The following FRMD4A variants were observed in gnomAD, a reference collection of about 807,000 sequenced individuals.
The protein encoded by FRMD4A is FERM domain containing 4A.
FRMD4A carries 29 observed loss-of-function variants against 129.1 expected under a neutral mutation model. The observed-to-expected ratio is 0.22, with a 90% confidence interval of 0.17 to 0.31. The LOEUF is 0.31. FRMD4A is among the 10% of genes least tolerant of loss of function. The pLI, the probability that FRMD4A is intolerant of heterozygous loss-of-function variation, is 1.00. For missense variants in FRMD4A, 1,272 were observed against 1,375.8 expected, an observed-to-expected ratio of 0.92 and a Z score of 1.19; for synonymous variants, 634 against 571.6, an observed-to-expected ratio of 1.11 and a Z score of -1.56.
At chr10:13,995,458 G>A (rs573944619) in intron 2 of FRMD4A, among the ~76,000 whole-genome samples, 5 of 152,168 alleles carry the variant, frequency 3.3e-5, no homozygotes, top group African/African-American at 7.2e-5. Flanking sequence ...GGTGGTGCAT[G>A]CCTGTAATCC....
intron 2 of FRMD4A, among the ~76,000 whole-genome samples, chr10:13,902,041 G>T (rs1200871467): frequency 6.6e-6 from 1 of 152,162 alleles, no homozygotes; most frequent in East Asian, 1.9e-4. Context: ...TTTAGAGACA[G>T]GGTCTCACAC....
chr10:13,981,654 G>A (rs1336331926), intron 2 of FRMD4A, among the ~76,000 whole-genome samples: 4 of 147,302 alleles, frequency 2.7e-5, no homozygotes, highest in African/African-American at 5.0e-5. Context: ...CAGGAGAATC[G>A]TTTCAACTCC....
At chr10:14,027,540 T>C (rs1333660141) in intron 2 of FRMD4A, among the ~76,000 whole-genome samples, 1 of 152,200 alleles carries the variant, frequency 6.6e-6, no homozygotes, top group African/African-American at 2.4e-5. Flanking sequence ...TGCTTGAACC[T>C]GGGAGACAGA....
At chr10:14,042,672 T>C (rs1403635729) in intron 2 of FRMD4A, among the ~76,000 whole-genome samples, 1 of 152,084 alleles carries the variant, frequency 6.6e-6, no homozygotes, top group African/African-American at 2.4e-5. Context: ...AAGAAATTTA[T>C]TTGAAAACAG....
At chr10:14,151,785 G>A (rs1476364203) in intron 2 of FRMD4A, among the ~76,000 whole-genome samples, 1 of 152,050 alleles carries the variant, frequency 6.6e-6, no homozygotes, top group African/African-American at 2.4e-5. Context: ...CTAAGTTTTG[G>A]AGATGTTTAA....
At chr10:14,317,035 A>C (rs1222596609) in intron 2 of FRMD4A, among the ~76,000 whole-genome samples, 1 of 152,148 alleles carries the variant, frequency 6.6e-6, no homozygotes, top group East Asian at 1.9e-4. Context: ...CAATTGTATG[A>C]CTTTAATATC....
intron 4 of FRMD4A, among the ~76,000 whole-genome samples, chr10:13,799,578 T>C (rs1459494847): frequency 2.0e-5 from 3 of 152,204 alleles, no homozygotes; most frequent in African/African-American, 7.2e-5. Flanking sequence ...ACTTCCTTCC[T>C]GCCTCTGAAA....
chr10:14,275,930 T>C (rs1845324350), intron 2 of FRMD4A, among the ~76,000 whole-genome samples: 1 of 152,188 alleles, frequency 6.6e-6, no homozygotes, highest in African/African-American at 2.4e-5. Context: ...TCTCAGCTAC[T>C]CAGGAGGCTG....
At chr10:13,833,528 A>T (rs757930221) in intron 3 of FRMD4A, among the ~76,000 whole-genome samples, 10 of 152,132 alleles carry the variant, frequency 6.6e-5, no homozygotes, top group Non-Finnish European at 7.4e-5. Context: ...AACTCCTGAC[A>T]TTCATGGGGC....
intron 2 of FRMD4A, among the ~76,000 whole-genome samples, chr10:14,080,320 C>G (rs960321159): frequency 3.9e-5 from 6 of 152,128 alleles, no homozygotes; most frequent in African/African-American, 1.4e-4. Flanking sequence ...ACCTGAAGGT[C>G]TTTATGATGT....
chr10:13,990,434 G>T (rs1052051004), intron 2 of FRMD4A, among the ~76,000 whole-genome samples: 1 of 152,182 alleles, frequency 6.6e-6, no homozygotes, highest in Non-Finnish European at 1.5e-5. Flanking sequence ...TGTCTTGTCT[G>T]TTGGGCGGGT....
chr10:14,066,655 G>T (rs373368594), intron 2 of FRMD4A, among the ~76,000 whole-genome samples: 10 of 152,278 alleles, frequency 6.6e-5, no homozygotes, highest in African/African-American at 1.9e-4. Flanking sequence ...AATTCATGGC[G>T]AAAAGCCTCC....
At chr10:13,990,473 G>T (rs1018151292) in intron 2 of FRMD4A, among the ~76,000 whole-genome samples, 2 of 152,198 alleles carry the variant, frequency 1.3e-5, no homozygotes, top group East Asian at 1.9e-4. Context: ...TCCTTGTGGA[G>T]CATGTCTGGG....
chr10:13,660,800 G>T (rs186361273), intron 19 of FRMD4A, among the ~76,000 whole-genome samples: 2 of 152,320 alleles, frequency 1.3e-5, no homozygotes, highest in East Asian at 3.9e-4. Flanking sequence ...CGTCACTTTT[G>T]ATTAGACACG....
intron 18 of FRMD4A, among the ~76,000 whole-genome samples, chr10:13,665,795 A>G (rs1435643019): frequency 6.6e-6 from 1 of 152,212 alleles, no homozygotes. Flanking sequence ...CAGTCAACTC[A>G]GCTCAGTTCA....
intron 2 of FRMD4A, among the ~76,000 whole-genome samples, chr10:14,033,672 T>A (rs1261110408): frequency 6.6e-6 from 1 of 150,730 alleles, no homozygotes; most frequent in South Asian, 2.1e-4. Context: ...GTAATCCCAG[T>A]TACGTGGGAG....
chr10:13,684,705 G>C, intron 15 of FRMD4A: 2 of 985,312 alleles, frequency 2.0e-6, no homozygotes, highest in Non-Finnish European at 2.4e-6. Context: ...TTTTGACACA[G>C]AGGGGATATT....
chr10:14,261,988 C>CACA (rs1844822899), intron 2 of FRMD4A, among the ~76,000 whole-genome samples: 1 of 113,642 alleles, frequency 8.8e-6, no homozygotes, highest in Admixed American at 8.7e-5. Flanking sequence ...ACACACACAC[C>CACA]TCATTTTCCC....
At chr10:13,846,774 G>A (rs556622441) in intron 3 of FRMD4A, among the ~76,000 whole-genome samples, 1 of 152,328 alleles carries the variant, frequency 6.6e-6, no homozygotes, top group South Asian at 2.1e-4. Context: ...GTCAAAGAGA[G>A]CAATCCAATA....
Sources: allele counts gnomAD v4.1 joint callset (sites outside exome capture counted in the v4.1 genomes callset), GRCh38; gene constraint gnomAD v4.1.1; transcripts MANE v1.5; gene names NCBI Gene and HGNC (gene_info 2026-07-23, HGNC 2026-07-21).